The following RP1 variants were observed in gnomAD, a reference collection of about 807,000 sequenced individuals.
The protein encoded by RP1 is oxygen-regulated protein 1.
RP1 carries 16 observed loss-of-function variants against 14.8 expected under a neutral mutation model. The ratio of observed to expected loss-of-function variants is 1.08; its 90% CI spans 0.73 to 1.65. RP1 has a LOEUF of 1.65. Among genes scored for constraint, RP1 ranks in the 40% most tolerant of loss-of-function variants. RP1 has a pLI of 0.00. For missense variants in RP1, 2,631 were observed against 2,535.0 expected, an observed-to-expected ratio of 1.04 and a Z score of -0.81; for synonymous variants, 876 against 883.6, an observed-to-expected ratio of 0.99 and a Z score of 0.15.
At chr8:54,585,418 C>T (rs529718529) in intron 1 of RP1, among the ~76,000 whole-genome samples, 1 of 152,344 alleles carries the variant, frequency 6.6e-6, no homozygotes, top group South Asian at 2.1e-4. Flanking sequence ...TTCTCTCTGG[C>T]TGCCCTTAAC....
chr8:54,575,150 A>G (rs1804613428), intron 1 of RP1, among the ~76,000 whole-genome samples: 1 of 152,190 alleles, frequency 6.6e-6, no homozygotes, highest in Admixed American at 6.5e-5. Flanking sequence ...GATTTGAAGC[A>G]GAGGGTGGAT....
At chr8:54,656,277 A>G (rs1429627842) in intron 6 of RP1, 2 of 1,483,022 alleles carry the variant, frequency 1.3e-6, no homozygotes, top group Non-Finnish European at 1.8e-6. Context: ...GCTGAAGGAC[A>G]GGGAACCAAT....
At chr8:54,569,521 T>C (rs1239378084) in intron 1 of RP1, among the ~76,000 whole-genome samples, 1 of 152,252 alleles carries the variant, frequency 6.6e-6, no homozygotes, top group African/African-American at 2.4e-5. Flanking sequence ...TCTGATATTA[T>C]ACATTATTCT....
intron 24 of RP1, among the ~76,000 whole-genome samples, chr8:54,806,927 C>T (rs759101756): frequency 1.2e-4 from 18 of 152,094 alleles, no homozygotes; most frequent in Non-Finnish European, 2.4e-4. Flanking sequence ...GTTTAAGTCA[C>T]GTTTCTCTTT....
chr8:54,756,921 G>A (rs1368522551), intron 21 of RP1, among the ~76,000 whole-genome samples: 1 of 152,182 alleles, frequency 6.6e-6, no homozygotes, highest in Non-Finnish European at 1.5e-5. Context: ...AGACAGTAGG[G>A]AGGGTGTATT....
Position 54,846,653 on chromosome 8 carries a change from T to C in RP1, c.3836-5921T>C, listed in dbSNP as rs190053396. 1.4e-3 allele frequency among the ~76,000 whole-genome samples: 217 copies of C among 152,104 alleles called. 1 individual carries two copies. Among genetic ancestry groups the C allele is most frequent in the Non-Finnish European group, 1.7e-3 (118 of 67,986 alleles). On this transcript the variant is annotated intron_variant, in intron 25 of 28. Transcript: ENST00000637698. ...AAACTCAGACACTTCCAGTATAGAG[T>C]TGAATTTAGTCTCTTTTGGTCTAAA...
intron 22 of RP1, among the ~76,000 whole-genome samples, chr8:54,761,193 A>G (rs1809629522): frequency 6.6e-6 from 1 of 150,858 alleles, no homozygotes; most frequent in Non-Finnish European, 1.5e-5. Flanking sequence ...GTCTACACAT[A>G]CATTTCACAT....
intron 24 of RP1, among the ~76,000 whole-genome samples, chr8:54,835,685 G>A (rs989930769): frequency 1.3e-5 from 2 of 152,152 alleles, no homozygotes; most frequent in Admixed American, 6.5e-5. Context: ...GGGCACTGAA[G>A]CTTAGAGAGG....
intron 19 of RP1, among the ~76,000 whole-genome samples, chr8:54,741,707 G>GTATGTATA (rs1554528863): frequency 1.7e-5 from 1 of 58,036 alleles, no homozygotes. Flanking sequence ...AAATGTGTGT[G>GTATGTATA]TATATATATA....
chr8:54,567,116 G>C (rs1401832049), intron 1 of RP1, among the ~76,000 whole-genome samples: 2 of 152,118 alleles, frequency 1.3e-5, no homozygotes, highest in Non-Finnish European at 2.9e-5. Flanking sequence ...CTCAAGTCAC[G>C]GTAGTTCAAA....
At chr8:54,722,908 A>G (rs996866954) in intron 16 of RP1, among the ~76,000 whole-genome samples, 4 of 152,192 alleles carry the variant, frequency 2.6e-5, no homozygotes, top group African/African-American at 4.8e-5. Flanking sequence ...ATGGCACACC[A>G]TCACGTGGAG....
At chr8:54,762,695 T>C (rs1809668836) in intron 22 of RP1, among the ~76,000 whole-genome samples, 1 of 152,216 alleles carries the variant, frequency 6.6e-6, no homozygotes, top group Non-Finnish European at 1.5e-5. Flanking sequence ...TTGATTGCAT[T>C]GAACAACTGA....
chr8:54,815,785 G>C, intron 24 of RP1, among the ~76,000 whole-genome samples: 1 of 152,164 alleles, frequency 6.6e-6, no homozygotes, highest in African/African-American at 2.4e-5. Context: ...GTCTGACTTA[G>C]AGTTCTGTTT....
intron 27 of RP1, among the ~76,000 whole-genome samples, chr8:54,864,223 G>T (rs1056383191): frequency 6.6e-6 from 1 of 152,032 alleles, no homozygotes; most frequent in African/African-American, 2.4e-5. Flanking sequence ...AAGGACGAAG[G>T]TGTCGATAAA....
rs1464739018 is a variant in RP1 at position 54,585,625 on chromosome 8, C to T, written c.-13+26305C>T. The stretch of plus-strand genomic sequence containing the variant: ...TTGGTTGCGTTATCCCCGTCACTTT[C>T]GGGTACACCAATAAGAGGTAGATTT... On this transcript the variant is annotated intron_variant, in intron 1 of 22. Transcript: ENST00000636932. Among the ~76,000 whole-genome samples, 3 of 152,222 alleles carry T rather than the reference C, an allele frequency of 2.0e-5. No homozygotes were observed. In the South Asian group the frequency reaches 6.2e-4, roughly 32 times the overall value.
At chr8:54,652,653 A>G (rs1252587027) in intron 4 of RP1, 3 of 657,884 alleles carry the variant, frequency 4.6e-6, no homozygotes, top group Non-Finnish European at 8.1e-6. Context: ...AGGTGTGCAC[A>G]TGTTTATAAT....
At chr8:54,811,105 C>T (rs2129393058) in intron 24 of RP1, among the ~76,000 whole-genome samples, 1 of 152,218 alleles carries the variant, frequency 6.6e-6, no homozygotes, top group African/African-American at 2.4e-5. Context: ...TTAAAACAAC[C>T]AAAATAAAGC....
intron 24 of RP1, among the ~76,000 whole-genome samples, chr8:54,783,992 C>G (rs1216959041): frequency 6.6e-6 from 1 of 152,202 alleles, no homozygotes; most frequent in South Asian, 2.1e-4. Flanking sequence ...TACTACTAAT[C>G]CTATTGTCAA....
chr8:54,626,805 A>G lies in RP1; in HGVS notation c.2923A>G (p.Ile975Val), dbSNP rs202016292. 4.3e-5 allele frequency: 70 copies of G among 1,613,844 alleles called. No homozygotes were observed. In the East Asian group the frequency reaches 1.2e-3, roughly 28 times the overall value. The change falls in exon 4 of 4, where the codon ATA becomes GTA. Residue 975 changes from isoleucine (I) to valine (V), a missense_variant. Physicochemically the swap from Ile to Val is conservative, Grantham distance 29. Transcript: ENST00000220676. ...TTTTGTTATGGAAAGTAATAAGCAC[A>G]TAACTAAAATTGCCGGTTTGACAGG... is the stretch of plus-strand genomic sequence containing the variant. ...SNFVMESNKH[I>V]TKIAGLTGDN...
Sources: gnomAD v4.1 joint callset for allele counts (sites outside exome capture counted in the v4.1 genomes callset) on GRCh38, gnomAD v4.1.1 for gene constraint, MANE v1.5 for transcripts, NCBI Gene and HGNC (gene_info 2026-07-23, HGNC 2026-07-21) for gene names.